Variants in SOBP observed in about 807,000 individuals in gnomAD.
SOBP encodes the protein sine oculis-binding protein homolog.
SOBP carries 4 observed loss-of-function variants against 53.6 expected under a neutral mutation model. That is an observed-to-expected ratio of 0.07 (90% confidence interval 0.04 to 0.17). The LOEUF is 0.17. Among genes scored for constraint, SOBP ranks in the 10% least tolerant of loss-of-function variants. SOBP has a pLI of 1.00. For synonymous variants in SOBP, 584 were observed against 522.6 expected (o/e 1.12, Z -1.60); for missense variants, 1,088 against 1,204.7 (o/e 0.90, Z 1.43).
chr6:107,656,113 G>A (rs967940851), intron 6 of SOBP, among the ~76,000 whole-genome samples: 1 of 152,160 alleles, frequency 6.6e-6, no homozygotes, highest in South Asian at 2.1e-4. Flanking sequence ...CTTCCAGGCT[G>A]TGCTTGCTAA....
At chr6:107,546,235 G>C (rs774126895) in intron 4 of SOBP, among the ~76,000 whole-genome samples, 1 of 152,170 alleles carries the variant, frequency 6.6e-6, no homozygotes, top group Non-Finnish European at 1.5e-5. Context: ...GAAAGATGCC[G>C]TATATGGGCA....
chr6:107,543,745 A>G (rs1021287908), intron 4 of SOBP, among the ~76,000 whole-genome samples: 1 of 152,194 alleles, frequency 6.6e-6, no homozygotes, highest in Non-Finnish European at 1.5e-5. Context: ...GACATGTGGG[A>G]GAAATAATCC....
chr6:107,650,309 C>T (rs1167855878), intron 6 of SOBP, among the ~76,000 whole-genome samples: 1 of 152,196 alleles, frequency 6.6e-6, no homozygotes, highest in Non-Finnish European at 1.5e-5. Flanking sequence ...CCTCTCCTTA[C>T]CATGAGCTAT....
intron 4 of SOBP, among the ~76,000 whole-genome samples, chr6:107,537,553 G>C (rs1034991672): frequency 6.6e-6 from 1 of 152,220 alleles, no homozygotes; most frequent in African/African-American, 2.4e-5. Context: ...GGGCGCCATG[G>C]CTCATGCCTG....
intron 4 of SOBP, among the ~76,000 whole-genome samples, chr6:107,572,340 A>G (rs1269377657): frequency 2.7e-5 from 4 of 146,114 alleles, no homozygotes; most frequent in African/African-American, 7.6e-5. Context: ...GTTTTGCTGT[A>G]TCGCCCAGGC....
At chr6:107,643,224 T>C (rs551373966) in intron 6 of SOBP, among the ~76,000 whole-genome samples, 2 of 152,272 alleles carry the variant, frequency 1.3e-5, no homozygotes, top group South Asian at 4.1e-4. Flanking sequence ...TTGGGTGTTG[T>C]GGGAGCAAGA....
chr6:107,497,602 A>G (rs1782734218), intron 1 of SOBP, among the ~76,000 whole-genome samples: 2 of 152,116 alleles, frequency 1.3e-5, no homozygotes, highest in Non-Finnish European at 2.9e-5. Flanking sequence ...TATATATGAT[A>G]TATAGTTTTT....
intron 4 of SOBP, among the ~76,000 whole-genome samples, chr6:107,537,454 G>C (rs12213696): frequency 0.019 from 2,849 of 152,304 alleles, 44 homozygotes; most frequent in East Asian, 0.054. Context: ...TATGGATTCG[G>C]AATGTTGATA....
intron 6 of SOBP, among the ~76,000 whole-genome samples, chr6:107,649,163 CAAAAAAAA>C (rs61034738): frequency 7.4e-5 from 3 of 40,406 alleles, no homozygotes; most frequent in African/African-American, 2.1e-4. Flanking sequence ...CCCCCACTAC[CAAAAAAAA>C]AAAAAAAAAA....
In SOBP at chr6:107,538,099, CTTCTT is replaced by C. The variant is rs373360491; in HGVS notation, c.573+4490_573+4494del. On this transcript the variant is annotated intron_variant, in intron 4 of 6. Coordinates refer to ENST00000317357, the MANE Select transcript of SOBP (RefSeq NM_018013.4). The stretch of plus-strand genomic sequence containing the variant: ...TATATTCTTGGTTATACAGCGATCT[CTTCTT>C]AGAAGACATTTCTTTTGGAAGAACC... 3.7e-3 allele frequency among the ~76,000 whole-genome samples: 559 copies of C among 152,300 alleles called. 6 individuals are homozygous for C. Among genetic ancestry groups the C allele is most frequent in the African/African-American group, 0.013 (529 of 41,556 alleles).
intron 4 of SOBP, among the ~76,000 whole-genome samples, chr6:107,580,585 G>A (rs1268508532): frequency 6.6e-6 from 1 of 152,222 alleles, no homozygotes; most frequent in Non-Finnish European, 1.5e-5. Context: ...GACTCTAGGA[G>A]AAGGTGAGAT....
chr6:107,576,213 C>T (rs992829122), intron 4 of SOBP, among the ~76,000 whole-genome samples: 3 of 152,174 alleles, frequency 2.0e-5, no homozygotes, highest in Non-Finnish European at 2.9e-5. Context: ...AGGGATGTGT[C>T]GCCTCATCTT....
chr6:107,630,925 G>C (rs961238666), intron 5 of SOBP, among the ~76,000 whole-genome samples: 3 of 152,118 alleles, frequency 2.0e-5, no homozygotes. Flanking sequence ...TTCTAACTTT[G>C]ATGTCTGTAA....
chr6:107,640,812 G>A (rs1416801086), intron 6 of SOBP, among the ~76,000 whole-genome samples: 2 of 152,184 alleles, frequency 1.3e-5, no homozygotes, highest in African/African-American at 2.4e-5. Flanking sequence ...GCAGGACTGG[G>A]ACTAGAGTGA....
At chr6:107,502,824 GA>G (rs2114943798) in intron 1 of SOBP, among the ~76,000 whole-genome samples, 1 of 152,076 alleles carries the variant, frequency 6.6e-6, no homozygotes, top group African/African-American at 2.4e-5. Flanking sequence ...GCAGTGGTGT[GA>G]TCTCAGCTCA....
intron 2 of SOBP, among the ~76,000 whole-genome samples, chr6:107,506,000 A>G (rs978835903): frequency 6.6e-6 from 1 of 152,214 alleles, no homozygotes. Flanking sequence ...ATTTATCACC[A>G]TGATTCAACT....
intron 6 of SOBP, among the ~76,000 whole-genome samples, chr6:107,652,995 T>C (rs1171488414): frequency 6.6e-6 from 1 of 152,160 alleles, no homozygotes; most frequent in Non-Finnish European, 1.5e-5. Context: ...TCCAAAAAAA[T>C]GCATGTGACT....
At chr6:107,610,864 G>T (rs1013661811) in intron 5 of SOBP, among the ~76,000 whole-genome samples, 2 of 152,128 alleles carry the variant, frequency 1.3e-5, no homozygotes, top group Admixed American at 1.3e-4. Context: ...TTGAATACTT[G>T]CCTTGAGAAG....
intron 6 of SOBP, among the ~76,000 whole-genome samples, chr6:107,641,003 G>A (rs1368071998): frequency 6.6e-6 from 1 of 152,186 alleles, no homozygotes; most frequent in Non-Finnish European, 1.5e-5. Context: ...TTCATGGAAA[G>A]TTTTATGTGC....
Sources: gnomAD v4.1 joint callset for allele counts (sites outside exome capture counted in the v4.1 genomes callset) on GRCh38, gnomAD v4.1.1 for gene constraint, MANE v1.5 for transcripts, NCBI Gene and HGNC (gene_info 2026-07-23, HGNC 2026-07-21) for gene names.